Variants in UMODL1 observed in about 807,000 individuals in gnomAD.
UMODL1 encodes the protein uromodulin like 1.
A neutral mutation model predicts 136.3 loss-of-function variants in UMODL1; 128 were observed. That is an observed-to-expected ratio of 0.94 (90% CI 0.81 to 1.09). UMODL1 has a LOEUF of 1.09. Among genes scored for constraint, UMODL1 ranks in the 50% least tolerant of loss-of-function variants. UMODL1 has a pLI of 0.00. For missense variants in UMODL1, 1,766 were observed against 1,725.6 expected (o/e 1.02, Z -0.41); for synonymous variants, 721 against 720.0 (o/e 1.00, Z -0.02).
intron 4 of UMODL1, among the ~76,000 whole-genome samples, chr21:42,086,139 A>T (rs777424992): frequency 1.3e-5 from 2 of 152,142 alleles, no homozygotes; most frequent in Non-Finnish European, 2.9e-5. Context: ...CGTGTCCCCA[A>T]GGCCGCCCTC....
intron 13 of UMODL1, 44 bp from the exon 14 acceptor site, chr21:42,115,828 CT>C (rs1448407821): frequency 7.0e-7 from 1 of 1,437,296 alleles, no homozygotes; most frequent in Non-Finnish European, 9.8e-7. Flanking sequence ...AGTCTGTTAT[CT>C]AATACAGCAC....
At chr21:42,108,544 C>T (rs1430602980) in intron 9 of UMODL1, 1 of 351,196 alleles carries the variant, frequency 2.8e-6, no homozygotes, top group Non-Finnish European at 5.8e-6. Context: ...TGAACTGGTC[C>T]TGCATCGTGG....
chr21:42,079,239 T>G, intron 2 of UMODL1, among the ~76,000 whole-genome samples: 1 of 152,200 alleles, frequency 6.6e-6, no homozygotes, highest in East Asian at 1.9e-4. Context: ...CCTGGCCTGC[T>G]GCAGCAAACA....
chr21:42,066,598 G>A (rs2066184837), upstream of UMODL1, among the ~76,000 whole-genome samples: 1 of 152,144 alleles, frequency 6.6e-6, no homozygotes, highest in Non-Finnish European at 1.5e-5. Context: ...GCCTAACTTA[G>A]TTGATCTTGC....
chr21:42,128,721 C>G (rs577121054), intron 20 of UMODL1, among the ~76,000 whole-genome samples: 4 of 152,332 alleles, frequency 2.6e-5, no homozygotes, highest in African/African-American at 9.6e-5. Flanking sequence ...GACAGGAGCA[C>G]GGACAGCCAC....
chr21:42,108,624 C>T (rs933670921), intron 9 of UMODL1: 9 of 338,022 alleles, frequency 2.7e-5, no homozygotes, highest in Non-Finnish European at 5.3e-5. Flanking sequence ...CACCTCCACC[C>T]GCAGCTCTAC....
intron 14 of UMODL1, among the ~76,000 whole-genome samples, chr21:42,117,958 T>C (rs115949168): frequency 1.0e-3 from 154 of 152,334 alleles, no homozygotes; most frequent in African/African-American, 3.5e-3. Context: ...TTGCCTAGAA[T>C]TTCAGGACAG....
Position 42,084,255 on chromosome 21 carries a change from T to G in UMODL1, c.481+10T>G. 1 of 1,610,998 alleles carries G rather than the reference T, an allele frequency of 6.2e-7. No homozygotes were observed. Among genetic ancestry groups the G allele is most frequent in the Non-Finnish European group, 8.5e-7 (1 of 1,179,200 alleles). On this transcript the variant is annotated intron_variant, in intron 3 of 22. Transcript: ENST00000408910. ...GCCCCTGCACCCCAAGGTAGGCTGCTGCGGGCCATGCTTATGGACAGGCAG... is the reference window on the plus strand; with the variant it reads ...GCCCCTGCACCCCAAGGTAGGCTGCGGCGGGCCATGCTTATGGACAGGCAG...
intron 21 of UMODL1, among the ~76,000 whole-genome samples, chr21:42,130,770 T>C (rs2067123929): frequency 6.6e-6 from 1 of 151,218 alleles, no homozygotes; most frequent in East Asian, 1.9e-4. Context: ...CAGGACACCA[T>C]GGGCAAGTGG....
At chr21:42,118,291 C>A (rs2066924778) in intron 14 of UMODL1, among the ~76,000 whole-genome samples, 1 of 152,214 alleles carries the variant, frequency 6.6e-6, no homozygotes. Flanking sequence ...GGTCCACAGG[C>A]TCTGAGAGGG....
At chr21:42,077,992 G>T (rs2146425479) in intron 2 of UMODL1, among the ~76,000 whole-genome samples, 1 of 152,296 alleles carries the variant, frequency 6.6e-6, no homozygotes, top group African/African-American at 2.4e-5. Flanking sequence ...CTGATGACAG[G>T]GAGAGTTGAT....
rs112746788 is a variant in UMODL1, at chr21:42,130,221, C to CGTGTGTGT, written c.3775+442_3775+449dup. ...TCAAGCTATAATCAGGCCATGTCAACGTGTGTGTGTGTGTGTGTGTGTGTG... is the reference window on the plus strand; with the variant it reads ...TCAAGCTATAATCAGGCCATGTCAACGTGTGTGTGTGTGTGTGTGTGTGTGTGTGTGTG... On this transcript the variant is annotated intron_variant, in intron 21 of 22. Coordinates refer to ENST00000408910, the MANE Select transcript of UMODL1 (RefSeq NM_001004416.3). Among the ~76,000 whole-genome samples, 896 of 150,544 alleles carry CGTGTGTGT rather than the reference C, an allele frequency of 6.0e-3. 4 individuals are homozygous for CGTGTGTGT. The highest frequency in any genetic ancestry group is 0.024 in the East Asian group (124 of 5,100).
In UMODL1 at chr21:42,076,051, GACCCACACTGT is replaced by G; in HGVS notation, c.126_136del (p.His43GlufsTer26). 1 of 1,614,248 alleles carries G rather than the reference GACCCACACTGT, an allele frequency of 6.2e-7. No individual in the cohort carries two copies. Among genetic ancestry groups the G allele is most frequent in the Non-Finnish European group, 8.5e-7 (1 of 1,180,052 alleles). On this transcript the variant is annotated frameshift_variant, in exon 2 of 23. Coordinates refer to ENST00000408910, the MANE Select transcript of UMODL1 (RefSeq NM_001004416.3). LOFTEE classifies it high-confidence loss of function. Reference sequence around the variant, plus strand: ...GCTACCAGCTATGCAGCCACCGTGTGACCCACACTGTACAGAAGGTGGAGGCCGTGCAGACG... The same window carrying G: ...GCTACCAGCTATGCAGCCACCGTGTGACAGAAGGTGGAGGCCGTGCAGACG...
intron 17 of UMODL1, among the ~76,000 whole-genome samples, chr21:42,125,195 A>G (rs2067036088): frequency 6.6e-6 from 1 of 152,294 alleles, no homozygotes; most frequent in South Asian, 2.1e-4. Context: ...CCTGAGCAGG[A>G]GGCTGGGACA....
In UMODL1 at chr21:42,121,090, A is replaced by G; in HGVS notation, c.2693A>G (p.Tyr898Cys). 6.2e-7 allele frequency: 1 copy of G among 1,612,952 alleles called. No individual in the cohort carries two copies. The highest frequency in any genetic ancestry group is 1.3e-5 in the African/African-American group (1 of 75,018). ...TTGTCTTCTAAATGTTGTGCAGATT[A>G]CGATGAGTGTGAAAGGAAGGAGGAC... ...VIRGDTFIQD[Y>C]DECERKEDDC... is the part of the protein sequence containing the mutation. Residue 898 changes from tyrosine (Y) to cysteine (C), a missense_variant, in exon 16 of 23, where the codon TAC (tyrosine) becomes TGC (cysteine). Physicochemically the swap from Tyr to Cys is radical, Grantham distance 194 (BLOSUM62 -2). Transcript: ENST00000408910.
chr21:42,117,657 A>C (rs1601250442), intron 14 of UMODL1, among the ~76,000 whole-genome samples: 1 of 152,034 alleles, frequency 6.6e-6, no homozygotes, highest in African/African-American at 2.4e-5. Flanking sequence ...AGGGCTGCAA[A>C]CCCCAGCGCT....
At chr21:42,086,222 A>C (rs1045906391) in intron 4 of UMODL1, among the ~76,000 whole-genome samples, 3 of 152,138 alleles carry the variant, frequency 2.0e-5, no homozygotes, top group Admixed American at 1.3e-4. Flanking sequence ...AGCTTGGTCT[A>C]ATGTGCTGCT....
chr21:42,129,267 G>A (rs1447930784), intron 20 of UMODL1, among the ~76,000 whole-genome samples: 1 of 152,142 alleles, frequency 6.6e-6, no homozygotes, highest in East Asian at 1.9e-4. Flanking sequence ...GCCCATCTCA[G>A]GCATCTAGTG....
intron 12 of UMODL1, among the ~76,000 whole-genome samples, chr21:42,112,576 G>A (rs2066849466): frequency 6.7e-6 from 1 of 149,604 alleles, no homozygotes; most frequent in African/African-American, 2.5e-5. Flanking sequence ...CAGCTGTTTT[G>A]TACCTCCCAG....
Sources: allele counts gnomAD v4.1 joint callset (sites outside exome capture counted in the v4.1 genomes callset), GRCh38; gene constraint gnomAD v4.1.1; transcripts MANE v1.5; gene names NCBI Gene and HGNC (gene_info 2026-07-23, HGNC 2026-07-21).